CLMN: variants seen among roughly 807,000 people sequenced by gnomAD.
CLMN encodes calmin (calponin-like, transmembrane).
A neutral mutation model predicts 92.7 loss-of-function variants in CLMN; 57 were observed. The observed-to-expected ratio is 0.61, with a 90% CI of 0.50 to 0.77. CLMN has a LOEUF of 0.77. CLMN is among the 30% of genes least tolerant of loss of function. The pLI is 0.00. For missense variants in CLMN, 1,158 were observed against 1,237.5 expected (o/e 0.94, Z 0.96); for synonymous variants, 466 against 470.6 (o/e 0.99, Z 0.13).
intron 1 of CLMN, among the ~76,000 whole-genome samples, chr14:95,252,016 G>T (rs896531741): frequency 6.6e-6 from 1 of 152,180 alleles, no homozygotes; most frequent in South Asian, 2.1e-4. Flanking sequence ...CTTCCCTGCA[G>T]ACCACTTTAT....
chr14:95,195,035 G>C (rs373975890), intron 10 of CLMN, among the ~76,000 whole-genome samples: 1 of 152,120 alleles, frequency 6.6e-6, no homozygotes, highest in African/African-American at 2.4e-5. Context: ...TGCTTGCCTC[G>C]CACTTTTCAC....
At chr14:95,249,841 C>A (rs1898715123) in intron 1 of CLMN, among the ~76,000 whole-genome samples, 1 of 152,140 alleles carries the variant, frequency 6.6e-6, no homozygotes, top group South Asian at 2.1e-4. Flanking sequence ...GATCTGCCCA[C>A]TCAGAACCCA....
At chr14:95,252,142 G>A (rs140076133) in intron 1 of CLMN, among the ~76,000 whole-genome samples, 1 of 152,190 alleles carries the variant, frequency 6.6e-6, no homozygotes, top group East Asian at 1.9e-4. Context: ...AGGGGGTGCT[G>A]AGTGTGCCAG....
intron 1 of CLMN, among the ~76,000 whole-genome samples, chr14:95,306,097 G>A (rs924668637): frequency 7.2e-5 from 11 of 152,152 alleles, no homozygotes; most frequent in Non-Finnish European, 4.4e-5. Flanking sequence ...TCTGACCCAG[G>A]AGAGAAGCGA....
At chr14:95,301,354 G>A (rs1773827418) in intron 1 of CLMN, among the ~76,000 whole-genome samples, 2 of 152,192 alleles carry the variant, frequency 1.3e-5, no homozygotes, top group African/African-American at 4.8e-5. Flanking sequence ...GAAATGCGGG[G>A]GGAATTTTTG....
chr14:95,265,707 A>T (rs1899445973), intron 1 of CLMN, among the ~76,000 whole-genome samples: 1 of 152,230 alleles, frequency 6.6e-6, no homozygotes, highest in Non-Finnish European at 1.5e-5. Context: ...GGCTAGGATC[A>T]GAAGAAACAA....
chr14:95,191,536 T>C lies in CLMN; in HGVS notation c.*28A>G. The C allele has an allele frequency of 6.3e-7, 1 of 1,588,864 alleles. No individual in the cohort carries two copies. The highest frequency in any genetic ancestry group is 8.6e-7 in the Non-Finnish European group (1 of 1,167,424). On this transcript the variant is annotated 3_prime_UTR_variant, in exon 13 of 13. Transcript: ENST00000298912. The surrounding 1 kb of genome is among the most constrained non-coding windows in gnomAD (Gnocchi z 5.3). ...GTAACCCCGCCCCTGGTCAGGGTCC[T>C]GTCTTTTTTATTATCCAGACACACG...
At position 95,255,696 on chromosome 14, in the gene CLMN, C is replaced by A. The variant is rs1046892661; in HGVS notation, c.83-25563G>T. 6.6e-5 allele frequency among the ~76,000 whole-genome samples: 10 copies of A among 152,260 alleles called. No individual in the cohort carries two copies. The East Asian group carries it at 1.9e-3, about 29-fold the overall frequency. ...ACCCTTTCACAATTCACAAGCCACACCCCTCCCACGCCCACTTCAGGAGCA... is the reference window on the plus strand; with the variant it reads ...ACCCTTTCACAATTCACAAGCCACAACCCTCCCACGCCCACTTCAGGAGCA... On this transcript the variant is annotated intron_variant, in intron 1 of 12. Transcript: ENST00000298912.
At position 95,184,948 on chromosome 14, in the gene CLMN, A is replaced by T. The variant is rs977675932; in HGVS notation, c.*6616T>A. On this transcript the variant is annotated 3_prime_UTR_variant, in exon 13 of 13. Transcript: ENST00000298912. ...ACAGTGAGACCTGTATCTATAAAAG[A>T]TAAAAAAATTAGGTGGGCGTGGTGG... 2.6e-5 allele frequency: 4 copies of T among 152,246 alleles called. No individual in the cohort carries two copies. Among genetic ancestry groups the T allele is most frequent in the African/African-American group, 9.7e-5 (4 of 41,448 alleles). The allele number at this position is 152,246 out of a possible 1,614,324, so 9.4% of individuals were successfully genotyped here.
At chr14:95,282,916 C>G (rs898901215) in intron 1 of CLMN, among the ~76,000 whole-genome samples, 1 of 152,254 alleles carries the variant, frequency 6.6e-6, no homozygotes, top group Non-Finnish European at 1.5e-5. Flanking sequence ...GAAGCCCACA[C>G]TCTTTTTATA....
Position 95,191,744 on chromosome 14 carries a change from A to G in CLMN, c.2841-12T>C, listed in dbSNP as rs1222680484. On this transcript the variant is annotated splice_polypyrimidine_tract_variant and intron_variant, in intron 12 of 12. Transcript: ENST00000298912. This position sits in a 1 kb window ranked among gnomAD's most constrained non-coding sequence, Gnocchi z 5.3. ...AGCTGTTGGCCTTCCTACAGAAGAA[A>G]CACAGAGGAAACGCAGTTACCAAGC... 1 of 1,596,546 alleles carries G rather than the reference A, an allele frequency of 6.3e-7. No individual in the cohort carries two copies. The highest frequency in any genetic ancestry group is 8.5e-7 in the Non-Finnish European group (1 of 1,173,872).
intron 1 of CLMN, among the ~76,000 whole-genome samples, chr14:95,300,800 G>T (rs908346797): frequency 1.3e-5 from 2 of 152,186 alleles, no homozygotes; most frequent in East Asian, 1.9e-4. Flanking sequence ...AGACCGGGGG[G>T]ACTGACTCCC....
chr14:95,273,027 A>T (rs1452017026), intron 1 of CLMN, among the ~76,000 whole-genome samples: 1 of 152,186 alleles, frequency 6.6e-6, no homozygotes, highest in Non-Finnish European at 1.5e-5. Flanking sequence ...GAAATATTTT[A>T]CACTTCTATG....
chr14:95,295,844 G>A lies in CLMN; in HGVS notation c.82+23867C>T, dbSNP rs767694938. 1.8e-4 allele frequency among the ~76,000 whole-genome samples: 27 copies of A among 152,194 alleles called. 1 individual carries two copies. The highest frequency in any genetic ancestry group is 8.3e-4 in the South Asian group (4 of 4,834). On this transcript the variant is annotated intron_variant, in intron 1 of 12. Coordinates refer to ENST00000298912, the MANE Select transcript of CLMN (RefSeq NM_024734.4). ...ATGTGCACCCAACTGTTTGCATGGC[G>A]TCATCTACTCTTCATTGTTCATCTC...
chr14:95,312,167 C>A (rs1901570383), intron 1 of CLMN, among the ~76,000 whole-genome samples: 2 of 152,240 alleles, frequency 1.3e-5, no homozygotes, highest in African/African-American at 4.8e-5. Context: ...CCTGCAGGAC[C>A]CACGGTGAGC....
chr14:95,224,202 C>T (rs1352884404), intron 2 of CLMN, among the ~76,000 whole-genome samples: 2 of 152,238 alleles, frequency 1.3e-5, no homozygotes, highest in Non-Finnish European at 2.9e-5. Flanking sequence ...TGACTACATC[C>T]TTCTGTAGAA....
Position 95,213,487 on chromosome 14 carries a change from A to G in CLMN, c.418-78T>C. ...AGCCCCTTGTCTGGCGGGTGGCCATATGGACCATGGCTGGAGGGACCGGCT... is the reference window on the plus strand; with the variant it reads ...AGCCCCTTGTCTGGCGGGTGGCCATGTGGACCATGGCTGGAGGGACCGGCT... On this transcript the variant is annotated intron_variant, in intron 5 of 12. Transcript: ENST00000298912. 4 of 1,371,844 alleles carry G rather than the reference A, an allele frequency of 2.9e-6. No individual in the cohort carries two copies. The Admixed American group carries it at 7.1e-5, about 24-fold the overall frequency. The allele number at this position is 1,371,844 out of a possible 1,614,324, so 85.0% of individuals were successfully genotyped here.
chr14:95,257,276 C>T (rs1213951928), intron 1 of CLMN, among the ~76,000 whole-genome samples: 3 of 152,182 alleles, frequency 2.0e-5, no homozygotes, highest in Non-Finnish European at 2.9e-5. Flanking sequence ...TGCATCTAGA[C>T]GGGGACCTGT....
intron 1 of CLMN, among the ~76,000 whole-genome samples, chr14:95,238,578 C>A (rs1898134271): frequency 6.6e-6 from 1 of 152,248 alleles, no homozygotes; most frequent in African/African-American, 2.4e-5. Flanking sequence ...CATGCAACTA[C>A]TACAGGTAAG....
Sources: gnomAD v4.1 joint callset for allele counts (sites outside exome capture counted in the v4.1 genomes callset) on GRCh38, gnomAD v4.1.1 for gene constraint, Gnocchi (gnomAD v3.1) non-coding constraint, MANE v1.5 for transcripts, NCBI Gene and HGNC (gene_info 2026-07-23, HGNC 2026-07-21) for gene names.